ATG13: variants seen among roughly 807,000 people sequenced by gnomAD.
The protein encoded by ATG13 is autophagy-related protein 13.
Under a neutral mutation model 65.5 loss-of-function variants are expected in ATG13, and 23 were observed. The ratio of observed to expected loss-of-function variants is 0.35; its 90% CI spans 0.25 to 0.50. The LOEUF (loss-of-function observed/expected upper bound fraction) is 0.50, where lower values mean the gene tolerates loss of function less well. Ranked by LOEUF, ATG13 falls within the 20% of genes least tolerant of loss-of-function variation. ATG13 has a pLI of 0.98. For synonymous variants in ATG13, 252 were observed against 245.2 expected, an observed-to-expected ratio of 1.03 and a Z score of -0.26; for missense variants, 566 against 677.0, an observed-to-expected ratio of 0.84 and a Z score of 1.82.
intron 1 of ATG13, among the ~76,000 whole-genome samples, chr11:46,628,493 T>C (rs192380537): frequency 6.6e-6 from 1 of 152,242 alleles, no homozygotes; most frequent in East Asian, 1.9e-4. Context: ...GGTAAAACAT[T>C]CTATTATTTC....
At chr11:46,620,432 C>T (rs367698719) in intron 1 of ATG13, among the ~76,000 whole-genome samples, 1 of 151,736 alleles carries the variant, frequency 6.6e-6, no homozygotes, top group African/African-American at 2.4e-5. Context: ...TTTGTATGCC[C>T]TTGGTCATAA....
intron 7 of ATG13, among the ~76,000 whole-genome samples, chr11:46,651,880 C>T (rs1393060324): frequency 3.9e-5 from 6 of 152,156 alleles, no homozygotes; most frequent in African/African-American, 1.2e-4. Flanking sequence ...CTAAAATCAT[C>T]GGCTTAGTTA....
rs554717809 is a variant in ATG13 at position 46,655,376 on chromosome 11, C to T, written c.459-857C>T. 7.9e-5 allele frequency among the ~76,000 whole-genome samples: 12 copies of T among 151,794 alleles called. No individual in the cohort carries two copies. The South Asian group carries it at 2.3e-3, about 29-fold the overall frequency. ...TTGCACCACTGCACTCCAGCCAGGG[C>T]GACAGAGTGAGACTCAGTCTCAAAA... On this transcript the variant is annotated intron_variant, in intron 7 of 18. Coordinates refer to ENST00000683050, the MANE Select transcript of ATG13 (RefSeq NM_001346311.2).
rs996156937 is a variant in ATG13, at chr11:46,645,282, ATTAGTC to A, written c.70-55_70-50del. The A allele has an allele frequency of 9.6e-5, 144 of 1,500,966 alleles. 1 individual carries two copies. In the East Asian group the frequency reaches 3.1e-3, roughly 32 times the overall value. 93.0% of individuals were successfully genotyped at this position (1,500,966 alleles called of 1,614,324 possible). On this transcript the variant is annotated intron_variant, in intron 3 of 18. Coordinates refer to ENST00000683050, the MANE Select transcript of ATG13 (RefSeq NM_001346311.2). ...GATTTTAACCCTGATCGGGAGCCAG[ATTAGTC>A]TAAGACTTTTCATCATTTTAGGATT...
At position 46,666,677 on chromosome 11, in the gene ATG13, A is replaced by G. The variant is rs575280110; in HGVS notation, c.1137-1096A>G. 8.5e-4 allele frequency among the ~76,000 whole-genome samples: 130 copies of G among 152,330 alleles called. 1 individual carries two copies. The highest frequency in any genetic ancestry group is 3.1e-3 in the African/African-American group (127 of 41,584). ...GAGCTCAGTTAGCTCACAGGGCACAAGGGCGAGCAGATTCTCTGACTCCAG... is the reference window on the plus strand; with the variant it reads ...GAGCTCAGTTAGCTCACAGGGCACAGGGGCGAGCAGATTCTCTGACTCCAG... On this transcript the variant is annotated intron_variant, in intron 14 of 18. Coordinates refer to ENST00000683050, the MANE Select transcript of ATG13 (RefSeq NM_001346311.2).
intron 2 of ATG13, among the ~76,000 whole-genome samples, chr11:46,640,817 A>T (rs2055726231): frequency 6.6e-6 from 1 of 152,228 alleles, no homozygotes; most frequent in Non-Finnish European, 1.5e-5. Context: ...TTAAAGAATA[A>T]GTATTACCAA....
Position 46,629,369 on chromosome 11 carries a change from A to G in ATG13, c.-69-676A>G, listed in dbSNP as rs567214618. Among the ~76,000 whole-genome samples, 150 of 152,168 alleles carry G rather than the reference A, an allele frequency of 9.9e-4. 1 individual carries two copies. The highest frequency in any genetic ancestry group is 7.9e-4 in the Non-Finnish European group (54 of 67,996). ...ACTTTGTATTATGTGAGATTCATCT[A>G]TTTGTGTTCACAAGGAGGTTTTTGT... On this transcript the variant is annotated intron_variant, in intron 1 of 18. Coordinates refer to ENST00000683050, the MANE Select transcript of ATG13 (RefSeq NM_001346311.2).
In ATG13 at chr11:46,669,410, G is replaced by C; in HGVS notation, c.1453G>C (p.Ala485Pro). 1 of 1,614,026 alleles carries C rather than the reference G, an allele frequency of 6.2e-7. No homozygotes were observed. The highest frequency in any genetic ancestry group is 1.1e-5 in the South Asian group (1 of 91,076). The change falls in exon 18 of 19, where the codon GCT becomes CCT. Residue 485 changes from alanine to proline, a missense_variant. By Grantham distance (27) the Ala-to-Pro change is conservative. Transcript: ENST00000683050. ...CTCTGTCTTGTTTTTGAAGAAACCAGCTTTTTCTAAAGATGACATTCTTCC... is the reference window on the plus strand; with the variant it reads ...CTCTGTCTTGTTTTTGAAGAAACCACCTTTTTCTAAAGATGACATTCTTCC... ...DDFVMIDFKP[A>P]FSKDDILPMD...
chr11:46,667,388 T>G (rs544480051), intron 14 of ATG13, among the ~76,000 whole-genome samples: 1 of 152,190 alleles, frequency 6.6e-6, no homozygotes, highest in African/African-American at 2.4e-5. Context: ...ATTAAATATG[T>G]CATTCAAAGA....
intron 1 of ATG13, among the ~76,000 whole-genome samples, chr11:46,624,780 C>A (rs1264556938): frequency 6.6e-6 from 1 of 152,114 alleles, no homozygotes; most frequent in African/African-American, 2.4e-5. Context: ...CTGTAATAAT[C>A]ATAGCACTTT....
chr11:46,671,893 T>G (rs1049692246), intron 18 of ATG13, among the ~76,000 whole-genome samples: 11 of 152,230 alleles, frequency 7.2e-5, no homozygotes, highest in Non-Finnish European at 1.5e-5. Context: ...TTTTGTAAAC[T>G]GTTTAATTTG....
chr11:46,654,202 G>A (rs1057340403), intron 7 of ATG13, among the ~76,000 whole-genome samples: 8 of 149,470 alleles, frequency 5.4e-5, no homozygotes, highest in Non-Finnish European at 1.2e-4. Flanking sequence ...GGAGGCTGAG[G>A]TGGGAGGATT....
chr11:46,618,534 T>G (rs2046114697), intron 1 of ATG13, among the ~76,000 whole-genome samples: 2 of 152,324 alleles, frequency 1.3e-5, no homozygotes, highest in South Asian at 4.1e-4. Context: ...AAAAGAGATT[T>G]TAAAAAATTA....
At chr11:46,645,761 G>A (rs954859564) in intron 4 of ATG13, 109 bp from the exon 5 acceptor site, 2 of 1,442,440 alleles carry the variant, frequency 1.4e-6, no homozygotes, top group African/African-American at 1.4e-5. Context: ...TGAATGAATT[G>A]TCTTCCTTAA....
intron 1 of ATG13, among the ~76,000 whole-genome samples, chr11:46,621,612 G>C (rs2047525067): frequency 6.6e-6 from 1 of 152,020 alleles, no homozygotes; most frequent in Admixed American, 6.6e-5. Flanking sequence ...CTTCTGACTT[G>C]TGCTTTTAAT....
At chr11:46,656,668 T>G (rs1304450531) in intron 8 of ATG13, among the ~76,000 whole-genome samples, 1 of 152,190 alleles carries the variant, frequency 6.6e-6, no homozygotes, top group Admixed American at 6.5e-5. Flanking sequence ...GAGTGGCAGC[T>G]TGGGTGGAAG....
intron 1 of ATG13, chr11:46,618,309 GTCT>G (rs1462526373): frequency 6.4e-6 from 1 of 156,064 alleles, no homozygotes; most frequent in African/African-American, 2.4e-5. Context: ...GTTCACGACT[GTCT>G]TCTTACTGGC....
intron 1 of ATG13, among the ~76,000 whole-genome samples, chr11:46,625,962 G>A (rs1485262263): frequency 2.0e-5 from 3 of 150,926 alleles, no homozygotes; most frequent in Non-Finnish European, 3.0e-5. Flanking sequence ...TGTTTCTTTC[G>A]TTTGTTTGTT....
At chr11:46,637,453 T>C (rs1427311060) in intron 2 of ATG13, among the ~76,000 whole-genome samples, 2 of 152,176 alleles carry the variant, frequency 1.3e-5, no homozygotes, top group East Asian at 3.9e-4. Flanking sequence ...GTTCAAAAAA[T>C]AATGTTTTTC....
Sources: gnomAD v4.1 joint callset for allele counts (sites outside exome capture counted in the v4.1 genomes callset) on GRCh38, gnomAD v4.1.1 for gene constraint, MANE v1.5 for transcripts, NCBI Gene and HGNC (gene_info 2026-07-23, HGNC 2026-07-21) for gene names.